Variants in FGF9 observed in about 807,000 individuals in gnomAD.
The protein encoded by FGF9 is fibroblast growth factor 9, also known as fibroblast growth factor 9 (glia-activating factor).
A neutral mutation model predicts 19.9 loss-of-function variants in FGF9; 3 were observed. That is an observed-to-expected ratio of 0.15 (90% confidence interval 0.07 to 0.39). The LOEUF (loss-of-function observed/expected upper bound fraction) is 0.39, where lower values mean the gene tolerates loss of function less well. FGF9 is among the 10% of genes least tolerant of loss of function. The pLI is 1.00. For synonymous variants in FGF9, 107 were observed against 106.9 expected (o/e 1.00, Z -0.01); for missense variants, 175 against 256.8 (o/e 0.68, Z 2.18).
rs779607710 is a variant in FGF9 at position 21,672,183 on chromosome 13, C to G, written c.271C>G (p.Arg91Gly). The G allele has an allele frequency of 3.1e-6, 5 of 1,614,134 alleles. No individual in the cohort carries two copies. Among genetic ancestry groups the G allele is most frequent in the African/African-American group, 1.3e-5 (1 of 75,012 alleles). ...CCAGGGAACCAGGAAAGACCACAGCCGATTTGGTAGGTATACCATTAACCC... is the reference window on the plus strand; with the variant it reads ...CCAGGGAACCAGGAAAGACCACAGCGGATTTGGTAGGTATACCATTAACCC... ...TIQGTRKDHSRFGILEFISIA... is the reference protein window; with the variant it reads ...TIQGTRKDHSGFGILEFISIA... The change falls in exon 1 of 3, where the codon CGA becomes GGA. Residue 91 changes from arginine to glycine, a missense_variant. Arg to Gly is a moderately radical substitution (Grantham distance 125, BLOSUM62 -2). Coordinates refer to ENST00000382353, the MANE Select transcript of FGF9 (RefSeq NM_002010.3). This position sits in a 1 kb window ranked among gnomAD's most constrained non-coding sequence, Gnocchi z 4.2.
chr13:21,700,251 G>T (rs1358619329), intron 2 of FGF9, among the ~76,000 whole-genome samples: 2 of 151,976 alleles, frequency 1.3e-5, no homozygotes, highest in Admixed American at 6.6e-5. Flanking sequence ...TTAGTTAGGG[G>T]TCTCTTCTTC....
intron 2 of FGF9, 105 bp from the exon 3 acceptor site, chr13:21,701,085 G>T: frequency 1.2e-6 from 1 of 830,476 alleles, no homozygotes; most frequent in Non-Finnish European, 2.0e-6. Context: ...ATAGATAAAC[G>T]TGTGCCAAGG....
intron 2 of FGF9, among the ~76,000 whole-genome samples, chr13:21,700,560 C>A (rs1872516080): frequency 6.6e-6 from 1 of 152,174 alleles, no homozygotes; most frequent in Admixed American, 6.5e-5. Flanking sequence ...CTAAAAAGGG[C>A]AGAACATATC....
At chr13:21,674,592 C>T (rs1341305155) in intron 1 of FGF9, among the ~76,000 whole-genome samples, 1 of 151,980 alleles carries the variant, frequency 6.6e-6, no homozygotes, top group African/African-American at 2.4e-5. Flanking sequence ...ATCAGCCGAG[C>T]CTGTCTTTGA....
In FGF9 at chr13:21,671,859, G is replaced by A; in HGVS notation, c.-54G>A. The stretch of plus-strand genomic sequence containing the variant: ...GGATATACCTCGCCTAATATCTCCT[G>A]GGTTGACACCATCATTATTGTTTAT... On this transcript the variant is annotated 5_prime_UTR_variant, in exon 1 of 3. Transcript: ENST00000382353. 6.2e-7 allele frequency: 1 copy of A among 1,607,554 alleles called. No homozygotes were observed. Among genetic ancestry groups the A allele is most frequent in the South Asian group, 1.1e-5 (1 of 90,780 alleles).
At chr13:21,673,923 C>T (rs963219908) in intron 1 of FGF9, 5 of 152,096 alleles carry the variant, frequency 3.3e-5, no homozygotes, top group Non-Finnish European at 5.9e-5. Context: ...AACGCGCTCG[C>T]GTTCCGGCTC....
intron 2 of FGF9, among the ~76,000 whole-genome samples, chr13:21,695,422 C>T (rs922681810): frequency 1.3e-5 from 2 of 151,742 alleles, no homozygotes; most frequent in Non-Finnish European, 2.9e-5. Flanking sequence ...ATCTGGAATA[C>T]TGGGGAATTT....
Position 21,672,067 on chromosome 13 carries a change from C to A in FGF9, c.155C>A (p.Thr52Lys). The A allele has an allele frequency of 6.2e-7, 1 of 1,614,204 alleles. No homozygotes were observed. Among genetic ancestry groups the A allele is most frequent in the Admixed American group, 1.7e-5 (1 of 60,028 alleles). Reference sequence around the variant, plus strand: ...GGGCTCCCCAGGGGACCCGCAGTCACGGACTTGGATCATTTAAAGGGGATT... The same window carrying A: ...GGGCTCCCCAGGGGACCCGCAGTCAAGGACTTGGATCATTTAAAGGGGATT... ...AGGLPRGPAV[T>K]DLDHLKGILR... Residue 52 changes from threonine to lysine, a missense_variant, in exon 1 of 3, where the codon ACG becomes AAG. Coordinates refer to ENST00000382353, the MANE Select transcript of FGF9 (RefSeq NM_002010.3). This position sits in a 1 kb window ranked among gnomAD's most constrained non-coding sequence, Gnocchi z 4.2.
chr13:21,682,029 G>GAGATAGGGTATTGCTGTTGCCC, intron 2 of FGF9, among the ~76,000 whole-genome samples: 1 of 115,990 alleles, frequency 8.6e-6, no homozygotes, highest in Non-Finnish European at 1.8e-5. Flanking sequence ...TTTTTTTTTT[G>GAGATAGGGTATTGCTGTTGCCC]AGATAGGGTA....
At chr13:21,697,196 T>TCA (rs1451721491) in intron 2 of FGF9, among the ~76,000 whole-genome samples, 1 of 152,242 alleles carries the variant, frequency 6.6e-6, no homozygotes, top group East Asian at 1.9e-4. Context: ...CTCACTCTGT[T>TCA]GCCCAAGCTA....
intron 1 of FGF9, among the ~76,000 whole-genome samples, chr13:21,679,782 CAAAAA>C (rs760146847): frequency 5.7e-5 from 3 of 52,438 alleles, no homozygotes; most frequent in African/African-American, 2.0e-4. Flanking sequence ...ACTAAAAATA[CAAAAA>C]AAAAAAAAAA....
chr13:21,696,051 A>T (rs1593099303), intron 2 of FGF9, among the ~76,000 whole-genome samples: 1 of 152,204 alleles, frequency 6.6e-6, no homozygotes, highest in East Asian at 1.9e-4. Flanking sequence ...CTCTGGCTTC[A>T]TTTTTTAAGT....
chr13:21,701,550 T>C lies in FGF9; in HGVS notation c.*115T>C. 2 of 1,409,418 alleles carry C rather than the reference T, an allele frequency of 1.4e-6. No homozygotes were observed. The highest frequency in any genetic ancestry group is 2.0e-6 in the Non-Finnish European group (2 of 998,244). 87.3% of individuals were successfully genotyped at this position (1,409,418 alleles called of 1,614,324 possible). On this transcript the variant is annotated 3_prime_UTR_variant, in exon 3 of 3. Transcript: ENST00000382353. ...CATCAGCTCCACTGTTGCCAAACTT[T>C]GTCGCATGCATAATGTATGATGGAG... is the stretch of plus-strand genomic sequence containing the variant.
intron 1 of FGF9, chr13:21,673,943 C>G (rs912564404): frequency 2.0e-5 from 3 of 152,228 alleles, no homozygotes; most frequent in Non-Finnish European, 2.9e-5. Flanking sequence ...CCCTTTCCGC[C>G]TGGCTCGGGT....
At chr13:21,688,164 A>G (rs747965622) in intron 2 of FGF9, among the ~76,000 whole-genome samples, 17 of 152,220 alleles carry the variant, frequency 1.1e-4, no homozygotes, top group Non-Finnish European at 2.5e-4. Context: ...TTCGTGGAAC[A>G]GGATACCACA....
Position 21,701,461 on chromosome 13 carries a change from C to T in FGF9, c.*26C>T, listed in dbSNP as rs1359787003. 1.9e-6 allele frequency: 3 copies of T among 1,613,770 alleles called. No individual in the cohort carries two copies. Among genetic ancestry groups the T allele is most frequent in the African/African-American group, 2.7e-5 (2 of 74,908 alleles). Reference sequence around the variant, plus strand: ...CAAAGACAGTTTCTTCACTTGAGCCCTTAAAAAAGTAACCACTATAAAGGT... The same window carrying T: ...CAAAGACAGTTTCTTCACTTGAGCCTTTAAAAAAGTAACCACTATAAAGGT... On this transcript the variant is annotated 3_prime_UTR_variant, in exon 3 of 3. Transcript: ENST00000382353.
At chr13:21,685,322 T>G (rs116620258) in intron 2 of FGF9, among the ~76,000 whole-genome samples, 87 of 152,330 alleles carry the variant, frequency 5.7e-4, no homozygotes, top group African/African-American at 2.1e-3. Flanking sequence ...TTTTCCTATT[T>G]TGGGATTAAT....
At chr13:21,698,458 A>T (rs1872466080) in intron 2 of FGF9, among the ~76,000 whole-genome samples, 1 of 152,162 alleles carries the variant, frequency 6.6e-6, no homozygotes, top group Admixed American at 6.5e-5. Context: ...CTGCCTCAAG[A>T]CACTTATTAC....
chr13:21,682,428 AAC>A (rs1172324816), intron 2 of FGF9, among the ~76,000 whole-genome samples: 1 of 152,178 alleles, frequency 6.6e-6, no homozygotes, highest in East Asian at 1.9e-4. Flanking sequence ...TGAAGGGCAA[AAC>A]TTTTTCTAGA....
Sources: allele counts gnomAD v4.1 joint callset (sites outside exome capture counted in the v4.1 genomes callset), GRCh38; gene constraint gnomAD v4.1.1; non-coding constraint Gnocchi (gnomAD v3.1); transcripts MANE v1.5; gene names NCBI Gene and HGNC (gene_info 2026-07-23, HGNC 2026-07-21).